PCDHGB2: variants seen among roughly 807,000 people sequenced by gnomAD.
The protein encoded by PCDHGB2 is protocadherin gamma subfamily B, 2, also known as protocadherin gamma-B2.
A neutral mutation model predicts 59.3 loss-of-function variants in PCDHGB2; 55 were observed. The observed-to-expected ratio is 0.93, with a 90% confidence interval of 0.75 to 1.16. PCDHGB2 has a LOEUF of 1.16. Among genes scored for constraint, PCDHGB2 ranks in the 50% most tolerant of loss-of-function variants. PCDHGB2 has a pLI of 0.00. For synonymous variants in PCDHGB2, 516 were observed against 512.0 expected, an observed-to-expected ratio of 1.01 and a Z score of -0.11; for missense variants, 1,228 against 1,198.5, an observed-to-expected ratio of 1.02 and a Z score of -0.36.
intron 1 of PCDHGB2, among the ~76,000 whole-genome samples, chr5:141,438,339 AGGATC>A (rs1013025873): frequency 1.6e-4 from 25 of 151,944 alleles, no homozygotes; most frequent in Non-Finnish European, 1.9e-4. Flanking sequence ...ATGTCATATA[AGGATC>A]TACTCTGTGT....
rs768648952 is a variant in PCDHGB2, at chr5:141,477,230, G to T, written c.2422-17577G>T. 14 of 1,614,046 alleles carry T rather than the reference G, an allele frequency of 8.7e-6. No homozygotes were observed. The highest frequency in any genetic ancestry group is 4.0e-5 in the African/African-American group (3 of 74,916). On this transcript the variant is annotated intron_variant, in intron 1 of 3. Transcript: ENST00000522605. The surrounding 1 kb of genome is among the most constrained non-coding windows in gnomAD (Gnocchi z 4.9). Reference sequence around the variant, plus strand: ...GGATGCCCCTCTGGGGACTGTCATCGCTTTGCTCAGTGTGACTGACCTGGA... The same window carrying T: ...GGATGCCCCTCTGGGGACTGTCATCTCTTTGCTCAGTGTGACTGACCTGGA...
chr5:141,392,089 A>G (rs1278879227), intron 1 of PCDHGB2: 2 of 152,236 alleles, frequency 1.3e-5, no homozygotes, highest in Non-Finnish European at 2.9e-5. Context: ...ATTTAGAAGA[A>G]TAATTTAAAA....
At chr5:141,372,401 A>G (rs1248362001) in intron 1 of PCDHGB2, 2 of 1,613,384 alleles carry the variant, frequency 1.2e-6, no homozygotes, top group Admixed American at 3.3e-5. Context: ...ATAGCTTGCA[A>G]GAGATACAAC....
intron 1 of PCDHGB2, chr5:141,393,352 T>G: frequency 1.2e-6 from 2 of 1,613,956 alleles, no homozygotes; most frequent in African/African-American, 2.7e-5. Context: ...CACTTCTCCC[T>G]GGACGTGCAG....
At chr5:141,435,805 T>C (rs2097780946) in intron 1 of PCDHGB2, among the ~76,000 whole-genome samples, 1 of 152,178 alleles carries the variant, frequency 6.6e-6, no homozygotes, top group African/African-American at 2.4e-5. Flanking sequence ...GTCCCAATTA[T>C]TTTTTCTTTC....
chr5:141,374,457 A>G (rs775796857), intron 1 of PCDHGB2: 1 of 1,613,430 alleles, frequency 6.2e-7, no homozygotes. Context: ...GAAATAGTGG[A>G]CATTAATGAC....
intron 1 of PCDHGB2, chr5:141,423,611 C>T: frequency 1.1e-5 from 18 of 1,611,094 alleles, no homozygotes; most frequent in Non-Finnish European, 1.5e-5. Flanking sequence ...CTCTTGATAG[C>T]TGAAGACTCA....
chr5:141,414,992 C>T, intron 1 of PCDHGB2: 2 of 1,613,770 alleles, frequency 1.2e-6, no homozygotes, highest in Non-Finnish European at 1.7e-6. Flanking sequence ...GGCCAGAACG[C>T]CTGGCTGTCC....
intron 1 of PCDHGB2, chr5:141,413,459 A>G: frequency 6.2e-7 from 1 of 1,614,080 alleles, no homozygotes; most frequent in Non-Finnish European, 8.5e-7. Flanking sequence ...GGCAGGATAG[A>G]CCGGGAGGAG....
intron 1 of PCDHGB2, chr5:141,395,958 A>G (rs1224647324): frequency 6.6e-6 from 1 of 152,208 alleles, no homozygotes; most frequent in Admixed American, 6.5e-5. Context: ...ACAAAAAACA[A>G]AAGCAAAAAC....
rs367578838 is a variant in PCDHGB2, at chr5:141,432,537, C to A, written c.2422-62270C>A. The A allele has an allele frequency of 5.0e-6, 8 of 1,613,882 alleles. No individual in the cohort carries two copies. Among genetic ancestry groups the A allele is most frequent in the African/African-American group, 1.3e-5 (1 of 74,922 alleles). Reference sequence around the variant, plus strand: ...GGCTACCTGGTGACCAAGGTGGTGGCGGTGGACAGAGACTCCGGCCAGAAC... The same window carrying A: ...GGCTACCTGGTGACCAAGGTGGTGGAGGTGGACAGAGACTCCGGCCAGAAC... On this transcript the variant is annotated intron_variant, in intron 1 of 3. Coordinates refer to ENST00000522605, the MANE Select transcript of PCDHGB2 (RefSeq NM_018923.3). This position sits in a 1 kb window ranked among gnomAD's most constrained non-coding sequence, Gnocchi z 6.0.
At chr5:141,372,897 C>A in intron 1 of PCDHGB2, 1 of 1,104,764 alleles carries the variant, frequency 9.1e-7, no homozygotes, top group Non-Finnish European at 1.3e-6. Flanking sequence ...ATTAAATATT[C>A]CCTGATTACA....
At chr5:141,475,815 C>T (rs2099373124) in intron 1 of PCDHGB2, 1 of 340,648 alleles carries the variant, frequency 2.9e-6, no homozygotes, top group Non-Finnish European at 5.3e-6. Flanking sequence ...AAGTGAAGTT[C>T]CTGGCGCTAG....
chr5:141,484,750 G>GTATA (rs545232987), intron 1 of PCDHGB2, among the ~76,000 whole-genome samples: 1 of 149,818 alleles, frequency 6.7e-6, no homozygotes, highest in Non-Finnish European at 1.5e-5. Context: ...GAAAAAAAAT[G>GTATA]TATATATATA....
intron 2 of PCDHGB2, among the ~76,000 whole-genome samples, chr5:141,501,771 G>A (rs957546749): frequency 7.2e-5 from 11 of 152,118 alleles, no homozygotes; most frequent in African/African-American, 2.7e-4. Context: ...GGTTAAAAAA[G>A]AGGTCTCTCT....
intron 1 of PCDHGB2, among the ~76,000 whole-genome samples, chr5:141,369,423 T>C (rs1766238907): frequency 6.6e-6 from 1 of 152,130 alleles, no homozygotes; most frequent in African/African-American, 2.4e-5. Context: ...TCCCAGCAAT[T>C]TGGGACGCTG....
At position 141,400,119 on chromosome 5, in the gene PCDHGB2, G is replaced by A. The variant is rs543287685; in HGVS notation, c.2421+37563G>A. ...TGCACTTGGTCTTTGCTGACAGCTTGCAGGAGGTGCTGCCGGATATCACTG... is the reference window on the plus strand; with the variant it reads ...TGCACTTGGTCTTTGCTGACAGCTTACAGGAGGTGCTGCCGGATATCACTG... On this transcript the variant is annotated intron_variant, in intron 1 of 3. Transcript: ENST00000522605. 3 of 1,614,076 alleles carry A rather than the reference G, an allele frequency of 1.9e-6. No individual in the cohort carries two copies. The Admixed American group carries it at 5.0e-5, about 27-fold the overall frequency.
chr5:141,413,036 T>TGGGCTGCA, intron 1 of PCDHGB2: 1 of 805,900 alleles, frequency 1.2e-6, no homozygotes, highest in Non-Finnish European at 1.9e-6. Flanking sequence ...AACCGGCTGC[T>TGGGCTGCA]GGGCTGCAGG....
chr5:141,368,929 T>G (rs1183733565), intron 1 of PCDHGB2, among the ~76,000 whole-genome samples: 1 of 152,228 alleles, frequency 6.6e-6, no homozygotes, highest in South Asian at 2.1e-4. Flanking sequence ...AGTGTCTGTC[T>G]AGAATTCTGG....
Sources: gnomAD v4.1 joint callset for allele counts (sites outside exome capture counted in the v4.1 genomes callset) on GRCh38, gnomAD v4.1.1 for gene constraint, Gnocchi (gnomAD v3.1) non-coding constraint, MANE v1.5 for transcripts, NCBI Gene and HGNC (gene_info 2026-07-23, HGNC 2026-07-21) for gene names.